The following TSPAN3 variants were observed in gnomAD, a reference collection of about 807,000 sequenced individuals.
TSPAN3 encodes tetraspanin-3.
TSPAN3 carries 9 observed loss-of-function variants against 31.1 expected under a neutral mutation model. The ratio of observed to expected loss-of-function variants is 0.29; its 90% CI spans 0.17 to 0.50. The LOEUF is 0.50. TSPAN3 is among the 20% of genes least tolerant of loss of function. TSPAN3 has a pLI of 0.98. For synonymous variants in TSPAN3, 129 were observed against 114.3 expected (o/e 1.13, Z -0.82); for missense variants, 252 against 313.5 (o/e 0.80, Z 1.48).
Position 77,052,749 on chromosome 15 carries a change from A to G in TSPAN3, c.585+28T>C, listed in dbSNP as rs762307078. On this transcript the variant is annotated intron_variant, in intron 5 of 6. Coordinates refer to ENST00000267970, the MANE Select transcript of TSPAN3 (RefSeq NM_005724.6). ...TGGTGAAAAACAGGTTAATCAAGCT[A>G]GACTCAAGTCGTGGCCAAGAGACTC... The G allele has an allele frequency of 3.1e-6, 5 of 1,606,892 alleles. No homozygotes were observed. In the African/African-American group the frequency reaches 4.0e-5, roughly 13 times the overall value.
chr15:77,042,781 G>T lies in TSPAN3; in HGVS notation c.*4054C>A, dbSNP rs189918532. ...GGGGAATGGGGAAGAGTCTCATGAG[G>T]AACAGGGTATGTACATGGAGACAGT... On this transcript the variant is annotated 3_prime_UTR_variant, in exon 7 of 7. Coordinates refer to ENST00000267970, the MANE Select transcript of TSPAN3 (RefSeq NM_005724.6). The T allele has an allele frequency of 9.9e-5, 15 of 152,230 alleles. No homozygotes were observed. Among genetic ancestry groups the T allele is most frequent in the Admixed American group, 9.2e-4 (14 of 15,284 alleles). The allele number at this position is 152,230 out of a possible 1,614,324, so 9.4% of individuals were successfully genotyped here.
intron 1 of TSPAN3, among the ~76,000 whole-genome samples, chr15:77,058,582 G>C (rs1482449739): frequency 1.3e-5 from 2 of 152,178 alleles, no homozygotes; most frequent in African/African-American, 2.4e-5. Flanking sequence ...TGCAATTATA[G>C]CTATACCTGT....
At chr15:77,065,482 A>C (rs910204802) in intron 1 of TSPAN3, among the ~76,000 whole-genome samples, 1 of 152,208 alleles carries the variant, frequency 6.6e-6, no homozygotes, top group Non-Finnish European at 1.5e-5. Context: ...GCTGGAGTGC[A>C]GTGGCTCGAT....
In TSPAN3 at chr15:77,043,471, G is replaced by C. The variant is rs780260108; in HGVS notation, c.*3364C>G. 3.3e-5 allele frequency: 5 copies of C among 152,122 alleles called. No homozygotes were observed. Among genetic ancestry groups the C allele is most frequent in the African/African-American group, 9.7e-5 (4 of 41,412 alleles). 9.4% of individuals were successfully genotyped at this position (152,122 alleles called of 1,614,324 possible). On this transcript the variant is annotated 3_prime_UTR_variant, in exon 7 of 7. Coordinates refer to ENST00000267970, the MANE Select transcript of TSPAN3 (RefSeq NM_005724.6). ...ATGGGCATTGTGTGCCTCGAGATGC[G>C]ATGCCCTGAGAGGCCGCGTGACGCA... is the stretch of plus-strand genomic sequence containing the variant.
Position 77,046,904 on chromosome 15 carries a change from G to A in TSPAN3, c.693C>T (p.Cys231=), listed in dbSNP as rs2076696163. 1 of 1,586,606 alleles carries A rather than the reference G, an allele frequency of 6.3e-7. No homozygotes were observed. Among genetic ancestry groups the A allele is most frequent in the East Asian group, 2.3e-5 (1 of 43,906 alleles). Residue 231 remains cysteine, a synonymous_variant, in exon 7 of 7, where the codon TGC becomes TGT. Transcript: ENST00000267970. Reference sequence around the variant, plus strand: ...CTCTACTCCTTCTGCACAACACGATGCAAGCACACAGCATGCCCAGCAGCT... The same window carrying A: ...CTCTACTCCTTCTGCACAACACGATACAAGCACACAGCATGCCCAGCAGCT... ...AIQLLGMLCA[C]IVLCRRSRDP...
intron 1 of TSPAN3, among the ~76,000 whole-genome samples, chr15:77,066,530 C>A (rs1326927176): frequency 7.3e-6 from 1 of 136,364 alleles, no homozygotes; most frequent in Non-Finnish European, 1.5e-5. Flanking sequence ...CAAGATCGCA[C>A]CACTGCACTC....
chr15:77,071,035 T>C lies in TSPAN3; in HGVS notation c.-81A>G, dbSNP rs1331351396. 3 of 1,082,710 alleles carry C rather than the reference T, an allele frequency of 2.8e-6. No homozygotes were observed. Among genetic ancestry groups the C allele is most frequent in the South Asian group, 2.3e-5 (1 of 42,762 alleles). The allele number at this position is 1,082,710 out of a possible 1,614,324, so 67.1% of individuals were successfully genotyped here. A position where few individuals can be genotyped will look rare whatever the true frequency, so the allele number is the denominator to read the frequency against. The stretch of plus-strand genomic sequence containing the variant: ...GAGCGGCAATGGCGGCGGCGCCTCC[T>C]CGCTAGGAACTGCACGGCCTGCGCG... On this transcript the variant is annotated 5_prime_UTR_variant, in exon 1 of 7. Transcript: ENST00000267970.
chr15:77,070,922 G>A lies in TSPAN3; in HGVS notation c.33C>T (p.Thr11=), dbSNP rs754196430. MGQCGITSSK[T]VLVFLNLIFW... is the part of the protein sequence containing the mutation. ...AGATGAGGTTGAGAAAGACCAGCAC[G>A]GTCTTGGAGGAGGTGATGCCGCACT... The change falls in exon 1 of 7, where the codon ACC becomes ACT. Residue 11 remains threonine (T), a synonymous_variant. Coordinates refer to ENST00000267970, the MANE Select transcript of TSPAN3 (RefSeq NM_005724.6). The A allele has an allele frequency of 5.6e-6, 8 of 1,433,190 alleles. No homozygotes were observed. The highest frequency in any genetic ancestry group is 2.6e-5 in the Admixed American group (1 of 38,198). The allele number at this position is 1,433,190 out of a possible 1,614,324, so 88.8% of individuals were successfully genotyped here.
intron 6 of TSPAN3, 92 bp from the exon 7 acceptor site, chr15:77,047,019 G>T: frequency 1.0e-6 from 1 of 955,308 alleles, no homozygotes; most frequent in South Asian, 1.5e-5. Flanking sequence ...CTGTTTCAAA[G>T]TTCAATGACT....
At chr15:77,065,861 G>A (rs569067466) in intron 1 of TSPAN3, among the ~76,000 whole-genome samples, 3 of 152,262 alleles carry the variant, frequency 2.0e-5, no homozygotes, top group Non-Finnish European at 2.9e-5. Context: ...TTTAAAAGGC[G>A]TTTGACTTTT....
chr15:77,063,074 T>C (rs2076809808), intron 1 of TSPAN3, among the ~76,000 whole-genome samples: 1 of 152,200 alleles, frequency 6.6e-6, no homozygotes, highest in Admixed American at 6.5e-5. Flanking sequence ...TTTAATGTTC[T>C]CTCACCAATG....
chr15:77,047,404 G>A (rs2076700824), intron 6 of TSPAN3, among the ~76,000 whole-genome samples: 1 of 152,212 alleles, frequency 6.6e-6, no homozygotes, highest in African/African-American at 2.4e-5. Context: ...GAATGAGCAA[G>A]AATGTGTGTG....
chr15:77,043,679 G>A lies in TSPAN3; in HGVS notation c.*3156C>T, dbSNP rs970964923. Reference sequence around the variant, plus strand: ...ACCAAGGAGACATGACAACTCAACTGATTACCTGATCCAGACCAGATCCAG... The same window carrying A: ...ACCAAGGAGACATGACAACTCAACTAATTACCTGATCCAGACCAGATCCAG... On this transcript the variant is annotated 3_prime_UTR_variant, in exon 7 of 7. Transcript: ENST00000267970. 1 of 152,268 alleles carries A rather than the reference G, an allele frequency of 6.6e-6. No individual in the cohort carries two copies. The highest frequency in any genetic ancestry group is 1.5e-5 in the Non-Finnish European group (1 of 68,092). The allele number at this position is 152,268 out of a possible 1,614,324, so 9.4% of individuals were successfully genotyped here. A position where few individuals can be genotyped will look rare whatever the true frequency, so the allele number is the denominator to read the frequency against.
At chr15:77,053,410 T>G (rs1277935130) in intron 4 of TSPAN3, among the ~76,000 whole-genome samples, 1 of 120,864 alleles carries the variant, frequency 8.3e-6, no homozygotes, top group South Asian at 2.8e-4. Flanking sequence ...ATCGCGCCAC[T>G]GCACTCCAGC....
intron 6 of TSPAN3, among the ~76,000 whole-genome samples, chr15:77,048,351 GA>G (rs553409195): frequency 1.3e-5 from 2 of 151,804 alleles, no homozygotes; most frequent in African/African-American, 4.8e-5. Context: ...TTTGCTAAGG[GA>G]AAAAAAATCT....
Position 77,054,225 on chromosome 15 carries a change from T to A in TSPAN3, c.385A>T (p.Thr129Ser). The A allele has an allele frequency of 6.2e-7, 1 of 1,613,998 alleles. No homozygotes were observed. The highest frequency in any genetic ancestry group is 8.5e-7 in the Non-Finnish European group (1 of 1,179,904). The change falls in exon 4 of 7, where the codon ACC becomes TCC. Residue 129 changes from threonine to serine, a missense_variant. By Grantham distance (58) the Thr-to-Ser change is moderately conservative. Transcript: ENST00000267970. Reference protein sequence around the residue: ...IQKVYKTYNGTNPDAASRAID... With the variant: ...IQKVYKTYNGSNPDAASRAID... ...GCCCGGCTAGCAGCATCAGGGTTGG[T>A]TCCATTGTAGGTCTTATACACTTTC...
chr15:77,046,689 G>C lies in TSPAN3; in HGVS notation c.*146C>G. On this transcript the variant is annotated 3_prime_UTR_variant, in exon 7 of 7. Transcript: ENST00000267970. The stretch of plus-strand genomic sequence containing the variant: ...AGTCGCAGGTAGTAGGTAAGTAGGT[G>C]GGCACATGAAAAGCCAAGCTGCTCT... The C allele has an allele frequency of 1.7e-6, 1 of 591,280 alleles. No homozygotes were observed. Among genetic ancestry groups the C allele is most frequent in the Non-Finnish European group, 3.0e-6 (1 of 335,120 alleles). The allele number at this position is 591,280 out of a possible 1,614,324, so 36.6% of individuals were successfully genotyped here.
At chr15:77,060,372 G>A (rs1452348543) in intron 1 of TSPAN3, among the ~76,000 whole-genome samples, 1 of 152,090 alleles carries the variant, frequency 6.6e-6, no homozygotes, top group Non-Finnish European at 1.5e-5. Flanking sequence ...AAATGACACT[G>A]GTTACTTTGA....
At chr15:77,051,917 T>C (rs1403309875) in intron 6 of TSPAN3, among the ~76,000 whole-genome samples, 4 of 152,050 alleles carry the variant, frequency 2.6e-5, no homozygotes, top group African/African-American at 9.7e-5. Flanking sequence ...CAGTTCTTGA[T>C]TTACGTATAT....
Sources: allele counts gnomAD v4.1 joint callset (sites outside exome capture counted in the v4.1 genomes callset), GRCh38; gene constraint gnomAD v4.1.1; transcripts MANE v1.5; gene names NCBI Gene and HGNC (gene_info 2026-07-23, HGNC 2026-07-21).